The following ANO10 variants were observed in gnomAD, a reference collection of about 807,000 sequenced individuals.
ANO10 encodes the protein anoctamin-10.
A neutral mutation model predicts 74.7 loss-of-function variants in ANO10; 77 were observed. That is an observed-to-expected ratio of 1.03 (90% confidence interval 0.86 to 1.25). The LOEUF (loss-of-function observed/expected upper bound fraction) is 1.25. ANO10 is among the 50% of genes most tolerant of loss of function. The pLI is 0.00. For missense variants in ANO10, 721 were observed against 778.1 expected (o/e 0.93, Z 0.87); for synonymous variants, 279 against 284.9 (o/e 0.98, Z 0.21).
At chr3:43,666,548 AC>A (rs1344740606) in intron 1 of ANO10, among the ~76,000 whole-genome samples, 2 of 152,210 alleles carry the variant, frequency 1.3e-5, no homozygotes, top group African/African-American at 4.8e-5. Flanking sequence ...CTGACAAGAT[AC>A]TCAAGATGGG....
chr3:43,683,999 G>C (rs1020768097), intron 1 of ANO10, among the ~76,000 whole-genome samples: 19 of 152,152 alleles, frequency 1.2e-4, no homozygotes, highest in African/African-American at 3.9e-4. Flanking sequence ...CTAGGCAATA[G>C]CATTCAGGAC....
intron 1 of ANO10, among the ~76,000 whole-genome samples, chr3:43,651,880 G>C (rs934530272): frequency 6.6e-6 from 1 of 152,108 alleles, no homozygotes; most frequent in Non-Finnish European, 1.5e-5. Context: ...ACAGTCTAGG[G>C]TTGGTTGTAG....
rs574666907 is a variant in ANO10 at position 43,412,539 on chromosome 3, G to A, written c.1914+20072C>T. 1.1e-3 allele frequency among the ~76,000 whole-genome samples: 166 copies of A among 152,274 alleles called. 1 individual carries two copies. The highest frequency in any genetic ancestry group is 3.7e-3 in the African/African-American group (155 of 41,556). ...CAAAGCTGTTCCCATTCCAGAGTGC[G>A]CCCTGGCACTTCCGAAGCAACTGCT... is the stretch of plus-strand genomic sequence containing the variant. On this transcript the variant is annotated intron_variant, in intron 12 of 12. Transcript: ENST00000292246.
At chr3:43,586,217 T>C (rs934390420) in intron 4 of ANO10, among the ~76,000 whole-genome samples, 1 of 151,624 alleles carries the variant, frequency 6.6e-6, no homozygotes, top group Non-Finnish European at 1.5e-5. Flanking sequence ...AGAGGCCAGG[T>C]TGGAGGAAGA....
At chr3:43,591,206 G>A (rs141056196) in intron 4 of ANO10, among the ~76,000 whole-genome samples, 10 of 152,232 alleles carry the variant, frequency 6.6e-5, no homozygotes, top group South Asian at 2.1e-4. Context: ...ACTGCTGTTC[G>A]CCGCAGTTGC....
chr3:43,651,848 A>G (rs2083791328), intron 1 of ANO10, among the ~76,000 whole-genome samples: 2 of 152,178 alleles, frequency 1.3e-5, no homozygotes, highest in South Asian at 2.1e-4. Context: ...TCCGATTCAA[A>G]TAAGTTATTT....
At chr3:43,496,777 C>A (rs982382083) in intron 11 of ANO10, among the ~76,000 whole-genome samples, 2 of 152,014 alleles carry the variant, frequency 1.3e-5, no homozygotes, top group African/African-American at 4.8e-5. Context: ...TATCCTTTGT[C>A]CCCCACCCCT....
chr3:43,572,746 A>C (rs2080798786), intron 7 of ANO10, among the ~76,000 whole-genome samples: 1 of 152,182 alleles, frequency 6.6e-6, no homozygotes, highest in Non-Finnish European at 1.5e-5. Context: ...GACTACTTCC[A>C]ACCCAGTAGC....
At chr3:43,571,478 A>G (rs13433789) in intron 7 of ANO10, among the ~76,000 whole-genome samples, 67,563 of 151,688 alleles carry the variant, frequency 0.45, 17,893 homozygotes, top group East Asian at 0.77. Flanking sequence ...AATGTGGCAC[A>G]TATACACCAT....
intron 7 of ANO10, among the ~76,000 whole-genome samples, chr3:43,566,996 A>T (rs1452379802): frequency 6.6e-6 from 1 of 152,204 alleles, no homozygotes; most frequent in Non-Finnish European, 1.5e-5. Context: ...AAAGGAGCTG[A>T]TGGAGCTGAA....
intron 1 of ANO10, among the ~76,000 whole-genome samples, chr3:43,670,171 A>C (rs1032955953): frequency 6.6e-6 from 1 of 151,992 alleles, no homozygotes; most frequent in African/African-American, 2.4e-5. Context: ...TGGGCAACAT[A>C]GTGAGATCCC....
intron 11 of ANO10, among the ~76,000 whole-genome samples, chr3:43,468,755 G>C (rs2075731675): frequency 6.7e-6 from 1 of 149,908 alleles, no homozygotes; most frequent in Admixed American, 6.7e-5. Flanking sequence ...CTGTTGCCCA[G>C]GCTGGAGTGC....
chr3:43,655,686 G>C (rs1442855317), intron 1 of ANO10, among the ~76,000 whole-genome samples: 1 of 152,036 alleles, frequency 6.6e-6, no homozygotes, highest in Non-Finnish European at 1.5e-5. Flanking sequence ...TGGACACAAA[G>C]GTTCTCCAAG....
At chr3:43,484,894 T>C (rs1455665350) in intron 11 of ANO10, 1 of 650,666 alleles carries the variant, frequency 1.5e-6, no homozygotes, top group African/African-American at 1.8e-5. Flanking sequence ...TGTCTAAGCA[T>C]TTACAGTTTA....
intron 11 of ANO10, among the ~76,000 whole-genome samples, chr3:43,453,051 TTTAA>T (rs1161815912): frequency 6.6e-6 from 1 of 152,238 alleles, no homozygotes; most frequent in Non-Finnish European, 1.5e-5. Flanking sequence ...TTAATAGTTC[TTTAA>T]TTATTCTAGA....
rs1189122291 is a variant in ANO10 at position 43,691,048 on chromosome 3, A to AGCCGGCAGGGGGCTTCGTGTGTC, written c.-12+446_-12+468dup. ...GCCGACACCGGAGAGAGGTAAGCGC[A>AGCCGGCAGGGGGCTTCGTGTGTC]GCCGGCAGGGGGCTTCGTGTGTCTC... On this transcript the variant is annotated intron_variant, in intron 1 of 3. Transcript: ENST00000413397. The AGCCGGCAGGGGGCTTCGTGTGTC allele has an allele frequency of 1.0e-5, 16 of 1,550,294 alleles. No homozygotes were observed. Among genetic ancestry groups the AGCCGGCAGGGGGCTTCGTGTGTC allele is most frequent in the African/African-American group, 1.4e-5 (1 of 70,080 alleles).
At chr3:43,494,072 A>C (rs2076827590) in intron 11 of ANO10, among the ~76,000 whole-genome samples, 1 of 152,224 alleles carries the variant, frequency 6.6e-6, no homozygotes, top group South Asian at 2.1e-4. Flanking sequence ...TAATAAGGCT[A>C]TCACTATTCA....
At chr3:43,577,587 T>C (rs1459589030) in intron 5 of ANO10, among the ~76,000 whole-genome samples, 1 of 152,196 alleles carries the variant, frequency 6.6e-6, no homozygotes, top group Non-Finnish European at 1.5e-5. Flanking sequence ...ATCTCCAAGG[T>C]CCTAATTTAA....
intron 11 of ANO10, among the ~76,000 whole-genome samples, chr3:43,499,269 A>C (rs1002936347): frequency 8.5e-5 from 13 of 152,214 alleles, no homozygotes; most frequent in Non-Finnish European, 1.6e-4. Flanking sequence ...AATCTTTTAC[A>C]GTTGAGGAAC....
Sources: gnomAD v4.1 joint callset for allele counts (sites outside exome capture counted in the v4.1 genomes callset) on GRCh38, gnomAD v4.1.1 for gene constraint, MANE v1.5 for transcripts, NCBI Gene and HGNC (gene_info 2026-07-23, HGNC 2026-07-21) for gene names.